Variants in FBXL13 observed in about 807,000 individuals in gnomAD.
FBXL13 encodes F-box and leucine rich repeat protein 13.
FBXL13 carries 67 observed loss-of-function variants against 83.6 expected under a neutral mutation model. That is an observed-to-expected ratio of 0.80 (90% CI 0.66 to 0.98). The LOEUF (loss-of-function observed/expected upper bound fraction) is 0.98. Ranked by LOEUF, FBXL13 falls within the 50% of genes least tolerant of loss-of-function variation. The pLI is 0.00. For missense variants in FBXL13, 822 were observed against 866.5 expected (o/e 0.95, Z 0.64); for synonymous variants, 272 against 299.5 (o/e 0.91, Z 0.95).
intron 16 of FBXL13, among the ~76,000 whole-genome samples, chr7:102,876,836 C>T (rs1025633834): frequency 6.6e-6 from 1 of 152,122 alleles, no homozygotes; most frequent in Admixed American, 6.5e-5. Flanking sequence ...TATATCCCTC[C>T]AAATGCATGA....
At position 103,005,768 on chromosome 7, in the gene FBXL13, C is replaced by T. The variant is rs182817207; in HGVS notation, c.495+19295G>A. 7.9e-5 allele frequency among the ~76,000 whole-genome samples: 12 copies of T among 152,086 alleles called. No individual in the cohort carries two copies. The East Asian group carries it at 1.7e-3, about 22-fold the overall frequency. On this transcript the variant is annotated intron_variant, in intron 6 of 19. Transcript: ENST00000313221. ...ACAGGCCCTATCTTCAAATATAGTACATTGAGGACCAGGGATTCAACATGT... is the reference window on the plus strand; with the variant it reads ...ACAGGCCCTATCTTCAAATATAGTATATTGAGGACCAGGGATTCAACATGT...
intron 8 of FBXL13, chr7:102,934,442 A>G (rs1819878331): frequency 6.2e-7 from 1 of 1,614,182 alleles, no homozygotes; most frequent in Non-Finnish European, 8.5e-7. Context: ...GCTTATTTCA[A>G]TGTTGCAGAT....
In FBXL13 at chr7:102,874,427, C is replaced by G. The variant is rs1042371911; in HGVS notation, c.1635+3040G>C. The G allele has an allele frequency of 5.4e-6, 5 of 927,520 alleles. No homozygotes were observed. In the African/African-American group the frequency reaches 8.9e-5, roughly 17 times the overall value. The allele number at this position is 927,520 out of a possible 1,614,324, so 57.5% of individuals were successfully genotyped here. A position where few individuals can be genotyped will look rare whatever the true frequency, so the allele number is the denominator to read the frequency against. On this transcript the variant is annotated intron_variant, in intron 16 of 19. Coordinates refer to ENST00000313221, the Ensembl canonical transcript of FBXL13. The stretch of plus-strand genomic sequence containing the variant: ...AAAACAACAGAAGACTTATTTTTTT[C>G]AATCTTTTAGCAGAAAACAATTAGT...
At chr7:102,944,618 G>T in intron 8 of FBXL13, 1 of 1,570,192 alleles carries the variant, frequency 6.4e-7, no homozygotes, top group Non-Finnish European at 8.6e-7. Flanking sequence ...GGTAGAAATT[G>T]TTCTGATTGT....
At chr7:102,983,487 T>C (rs139090424) in intron 6 of FBXL13, among the ~76,000 whole-genome samples, 1,615 of 150,102 alleles carry the variant, frequency 0.011, 39 homozygotes, top group African/African-American at 0.038. Flanking sequence ...TGGTGTGATA[T>C]CAGCTCACAG....
chr7:102,935,238 C>CTTTTTTTTTTT (rs1563116555), intron 8 of FBXL13, among the ~76,000 whole-genome samples: 2 of 84,466 alleles, frequency 2.4e-5, no homozygotes, highest in African/African-American at 9.3e-5. Context: ...TTTTTTTTTT[C>CTTTTTTTTTTT]TTTCTTTTTT....
rs182022082 is a variant in FBXL13, at chr7:103,050,908, G to A, written c.-1+4736C>T. ...AGAATAGCAGTTAACATCCCATAGCGCCAAACCTGTTCTTAACTGAAAGAG... is the reference window on the plus strand; with the variant it reads ...AGAATAGCAGTTAACATCCCATAGCACCAAACCTGTTCTTAACTGAAAGAG... On this transcript the variant is annotated intron_variant, in intron 2 of 19. Coordinates refer to ENST00000313221, the Ensembl canonical transcript of FBXL13. 8.1e-4 allele frequency among the ~76,000 whole-genome samples: 123 copies of A among 152,246 alleles called. 2 individuals are homozygous for A. The East Asian group carries it at 0.019, about 24-fold the overall frequency.
chr7:102,846,766 C>A, intron 17 of FBXL13, among the ~76,000 whole-genome samples: 1 of 152,204 alleles, frequency 6.6e-6, no homozygotes, highest in Non-Finnish European at 1.5e-5. Flanking sequence ...ATGGACATGA[C>A]CAAAGTGCCT....
chr7:103,028,297 T>C (rs968066754), intron 4 of FBXL13, among the ~76,000 whole-genome samples: 2 of 152,204 alleles, frequency 1.3e-5, no homozygotes, highest in African/African-American at 4.8e-5. Context: ...GTCCATACTA[T>C]TTGGAACCCA....
chr7:102,826,474 G>T (rs1026098934), intron 18 of FBXL13, among the ~76,000 whole-genome samples: 3 of 151,706 alleles, frequency 2.0e-5, no homozygotes, highest in Non-Finnish European at 4.4e-5. Flanking sequence ...GGTGGCTCAT[G>T]CCTATAATCC....
chr7:102,977,889 T>C (rs1174166638), intron 6 of FBXL13, among the ~76,000 whole-genome samples: 5 of 152,054 alleles, frequency 3.3e-5, no homozygotes, highest in African/African-American at 7.2e-5. Context: ...TAGGTGGGAA[T>C]TGAACAATGA....
intron 8 of FBXL13, chr7:102,934,556 GA>G: frequency 6.8e-7 from 1 of 1,472,516 alleles, no homozygotes; most frequent in South Asian, 1.2e-5. Context: ...GTGTAATGAA[GA>G]AGAAAAGGAA....
chr7:102,859,849 A>T (rs1331855198), intron 16 of FBXL13, among the ~76,000 whole-genome samples: 3 of 152,200 alleles, frequency 2.0e-5, no homozygotes, highest in Non-Finnish European at 4.4e-5. Flanking sequence ...GGTCAGCTGA[A>T]GTGCAGAGGA....
intron 1 of FBXL13, among the ~76,000 whole-genome samples, chr7:103,058,939 G>A (rs561863540): frequency 1.3e-5 from 2 of 152,300 alleles, no homozygotes; most frequent in East Asian, 3.9e-4. Context: ...AACTAGCAGA[G>A]TTGAAATGCA....
At chr7:102,828,860 T>A (rs1169603362) in intron 18 of FBXL13, among the ~76,000 whole-genome samples, 1 of 152,214 alleles carries the variant, frequency 6.6e-6, no homozygotes, top group Non-Finnish European at 1.5e-5. Flanking sequence ...CTTTGTGACC[T>A]GGCTCAATCA....
chr7:103,035,642 A>G (rs976302417), intron 2 of FBXL13, among the ~76,000 whole-genome samples: 2 of 152,222 alleles, frequency 1.3e-5, no homozygotes, highest in African/African-American at 4.8e-5. Flanking sequence ...TTTCAGTTCT[A>G]TAAAATACTT....
At chr7:103,009,257 C>G (rs1035622215) in intron 6 of FBXL13, among the ~76,000 whole-genome samples, 8 of 152,130 alleles carry the variant, frequency 5.3e-5, no homozygotes, top group African/African-American at 1.9e-4. Context: ...GTGCGCCACT[C>G]TCACCGAGAG....
rs767555355 is a variant in FBXL13, at chr7:102,883,301, T to A, written c.1388+4A>T. 2.4e-5 allele frequency: 38 copies of A among 1,609,478 alleles called. No homozygotes were observed. The highest frequency in any genetic ancestry group is 3.1e-5 in the Non-Finnish European group (37 of 1,178,798). Reference sequence around the variant, plus strand: ...CTTGAATATATTACTGAATGACTCATTACCTTACACAATTTGCCAAATTCA... The same window carrying A: ...CTTGAATATATTACTGAATGACTCAATACCTTACACAATTTGCCAAATTCA... On this transcript the variant is annotated splice_donor_region_variant and intron_variant, in intron 14 of 19. Coordinates refer to ENST00000313221, the Ensembl canonical transcript of FBXL13.
At chr7:102,948,379 C>A (rs1822871534) in intron 8 of FBXL13, among the ~76,000 whole-genome samples, 1 of 151,910 alleles carries the variant, frequency 6.6e-6, no homozygotes, top group South Asian at 2.1e-4. Flanking sequence ...ATCTACTTGT[C>A]TGAATTCTGT....
Sources: allele counts gnomAD v4.1 joint callset (sites outside exome capture counted in the v4.1 genomes callset), GRCh38; gene constraint gnomAD v4.1.1; transcripts MANE v1.5; gene names NCBI Gene and HGNC (gene_info 2026-07-23, HGNC 2026-07-21).